Variants in PDE4D observed in about 807,000 individuals in gnomAD.
PDE4D encodes the protein phosphodiesterase 4D.
PDE4D carries 24 observed loss-of-function variants against 87.4 expected under a neutral mutation model. The ratio of observed to expected loss-of-function variants is 0.27; its 90% CI spans 0.20 to 0.39. The LOEUF (loss-of-function observed/expected upper bound fraction) is 0.39. Among genes scored for constraint, PDE4D ranks in the 10% least tolerant of loss-of-function variants. PDE4D has a pLI of 1.00. For synonymous variants in PDE4D, 384 were observed against 383.2 expected, an observed-to-expected ratio of 1.00 and a Z score of -0.02; for missense variants, 714 against 1,041.0, an observed-to-expected ratio of 0.69 and a Z score of 4.32.
intron 6 of PDE4D, among the ~76,000 whole-genome samples, chr5:58,996,079 G>C (rs143461507): frequency 9.3e-4 from 141 of 152,196 alleles, no homozygotes; most frequent in African/African-American, 3.2e-3. Flanking sequence ...ATAAGTGGGA[G>C]TTGAACAATG....
rs146549244 is a variant in PDE4D at position 60,136,666 on chromosome 5, C to T, written c.42+48891G>A. The stretch of plus-strand genomic sequence containing the variant: ...GCTCGATTCAGTCTGACAAAGACTA[C>T]TATTAGGTATCCACCCAATATCCAT... On this transcript the variant is annotated intron_variant, in intron 2 of 16. Transcript: ENST00000502484. Among the ~76,000 whole-genome samples, 143 of 152,224 alleles carry T rather than the reference C, an allele frequency of 9.4e-4. 1 individual carries two copies. The highest frequency in any genetic ancestry group is 3.3e-3 in the African/African-American group (139 of 41,542).
chr5:59,762,255 CAT>C lies in PDE4D; in HGVS notation c.455+130911_455+130912del, dbSNP rs758714563. On this transcript the variant is annotated intron_variant, in intron 1 of 14. Coordinates refer to ENST00000340635, the MANE Select transcript of PDE4D (RefSeq NM_001104631.2). The stretch of plus-strand genomic sequence containing the variant: ...ATGCGTATATGTGTATATGGGTACA[CAT>C]ATGCGTATATGTGTATATGGGTACA... 2.0e-3 allele frequency among the ~76,000 whole-genome samples: 232 copies of C among 113,330 alleles called. 7 individuals carry two copies. Among genetic ancestry groups the C allele is most frequent in the Non-Finnish European group, 2.1e-3 (111 of 51,978 alleles). The allele number at this position is 113,330 out of a possible 152,430, so 74.3% of individuals were successfully genotyped here. A position where few individuals can be genotyped will look rare whatever the true frequency, so the allele number is the denominator to read the frequency against.
At chr5:59,532,697 G>A (rs1302923665) in intron 1 of PDE4D, among the ~76,000 whole-genome samples, 2 of 152,150 alleles carry the variant, frequency 1.3e-5, no homozygotes, top group South Asian at 4.1e-4. Flanking sequence ...TTTGGTCACA[G>A]TTCACTCCTC....
chr5:59,888,964 A>C (rs1750551839), intron 1 of PDE4D, among the ~76,000 whole-genome samples: 1 of 152,102 alleles, frequency 6.6e-6, no homozygotes, highest in Non-Finnish European at 1.5e-5. Flanking sequence ...ACGGTGGCTT[A>C]CGTCTGTATC....
At chr5:59,829,785 T>C (rs1740904467) in intron 1 of PDE4D, among the ~76,000 whole-genome samples, 1 of 152,058 alleles carries the variant, frequency 6.6e-6, no homozygotes, top group Non-Finnish European at 1.5e-5. Context: ...GGTTTTTATT[T>C]GTTATTTGCA....
chr5:59,940,100 T>C (rs1757021334), intron 3 of PDE4D, among the ~76,000 whole-genome samples: 1 of 152,072 alleles, frequency 6.6e-6, no homozygotes, highest in South Asian at 2.1e-4. Flanking sequence ...TGGTGGCACC[T>C]GGAAGAGACA....
intron 1 of PDE4D, among the ~76,000 whole-genome samples, chr5:59,500,179 A>T: frequency 6.8e-6 from 1 of 147,308 alleles, no homozygotes; most frequent in South Asian, 2.1e-4. Flanking sequence ...TAGTTCAGCC[A>T]CTGTGGAAAA....
intron 2 of PDE4D, among the ~76,000 whole-genome samples, chr5:59,200,079 A>G (rs1402959720): frequency 2.1e-5 from 3 of 144,980 alleles, no homozygotes; most frequent in Non-Finnish European, 3.0e-5. Context: ...ACGTATGCAC[A>G]CATACATGTA....
chr5:60,288,669 G>A (rs761608874), intron 1 of PDE4D, among the ~76,000 whole-genome samples: 1 of 152,164 alleles, frequency 6.6e-6, no homozygotes. Flanking sequence ...ACTTCAAAAT[G>A]CAACACTCAT....
intron 1 of PDE4D, chr5:59,797,082 C>A (rs1345658661): frequency 6.7e-6 from 1 of 148,152 alleles, no homozygotes; most frequent in African/African-American, 2.5e-5. Flanking sequence ...ATCAAATTGT[C>A]AGATCAAACC....
intron 1 of PDE4D, among the ~76,000 whole-genome samples, chr5:59,489,079 G>T (rs1483266294): frequency 3.3e-5 from 5 of 152,126 alleles, no homozygotes; most frequent in Non-Finnish European, 7.4e-5. Context: ...GCGGTCAAGA[G>T]ATAGAGACCA....
intron 5 of PDE4D, among the ~76,000 whole-genome samples, chr5:59,043,636 A>G (rs940773234): frequency 1.3e-5 from 2 of 152,148 alleles, no homozygotes; most frequent in Admixed American, 1.3e-4. Context: ...TACATGTGCC[A>G]TGTTGGTGTG....
intron 2 of PDE4D, among the ~76,000 whole-genome samples, chr5:60,001,311 C>A (rs990197318): frequency 2.6e-5 from 4 of 152,036 alleles, no homozygotes; most frequent in Non-Finnish European, 4.4e-5. Context: ...CAATGCAAGC[C>A]TACATGGATA....
At chr5:59,653,752 T>C (rs1743904275) in intron 1 of PDE4D, among the ~76,000 whole-genome samples, 1 of 152,168 alleles carries the variant, frequency 6.6e-6, no homozygotes, top group Non-Finnish European at 1.5e-5. Flanking sequence ...TATGCTTAAC[T>C]ATAATTCTAA....
chr5:59,885,866 T>C (rs2152749401), intron 1 of PDE4D, among the ~76,000 whole-genome samples: 1 of 152,324 alleles, frequency 6.6e-6, no homozygotes, highest in Admixed American at 6.5e-5. Flanking sequence ...TCTTGTTTCA[T>C]TACATTACAA....
intron 1 of PDE4D, among the ~76,000 whole-genome samples, chr5:59,413,049 A>G (rs1332781572): frequency 6.6e-6 from 1 of 152,212 alleles, no homozygotes. Flanking sequence ...CAGTTATAAC[A>G]CTGTTGCCTG....
At position 59,801,390 on chromosome 5, in the gene PDE4D, C is replaced by T. The variant is rs1220297345; in HGVS notation, c.455+91778G>A. On this transcript the variant is annotated intron_variant, in intron 1 of 14. Transcript: ENST00000340635. The stretch of plus-strand genomic sequence containing the variant: ...AATGGACTTACATTAGACTTACTGA[C>T]ACCATCATTATTTGAGAAAGAGCTA... Among the ~76,000 whole-genome samples, 3 of 152,250 alleles carry T rather than the reference C, an allele frequency of 2.0e-5. No homozygotes were observed. In the East Asian group the frequency reaches 5.8e-4, roughly 29 times the overall value.
chr5:60,187,060 A>T (rs536750135), intron 1 of PDE4D, among the ~76,000 whole-genome samples: 1 of 152,302 alleles, frequency 6.6e-6, no homozygotes, highest in African/African-American at 2.4e-5. Flanking sequence ...ATATCTCTGG[A>T]TGCAACTTGG....
rs1282064914 is a variant in PDE4D at position 58,974,098 on chromosome 5, A to AT, written c.*565dup. Reference sequence around the variant, plus strand: ...AAGCTCTACAAAAAATCTGTTTTACATATCATACAAAATGTAGAGGTCAGT... The same window carrying AT: ...AAGCTCTACAAAAAATCTGTTTTACATTATCATACAAAATGTAGAGGTCAGT... On this transcript the variant is annotated 3_prime_UTR_variant, in exon 15 of 15. Transcript: ENST00000340635. 6.6e-6 allele frequency: 1 copy of AT among 152,624 alleles called. No homozygotes were observed. The highest frequency in any genetic ancestry group is 1.5e-5 in the Non-Finnish European group (1 of 68,036). 9.5% of individuals were successfully genotyped at this position (152,624 alleles called of 1,614,324 possible). A position where few individuals can be genotyped will look rare whatever the true frequency, so the allele number is the denominator to read the frequency against.
Sources: gnomAD v4.1 joint callset for allele counts (sites outside exome capture counted in the v4.1 genomes callset) on GRCh38, gnomAD v4.1.1 for gene constraint, MANE v1.5 for transcripts, NCBI Gene and HGNC (gene_info 2026-07-23, HGNC 2026-07-21) for gene names.